Variants in PLA1A observed in about 807,000 individuals in gnomAD.
PLA1A encodes phosphatidylserine-specific phospholipase A1alpha.
PLA1A carries 47 observed loss-of-function variants against 49.4 expected under a neutral mutation model. The observed-to-expected ratio is 0.95, with a 90% CI of 0.75 to 1.21. PLA1A has a LOEUF of 1.21. Ranked by LOEUF, PLA1A falls within the 50% of genes most tolerant of loss-of-function variation. The pLI is 0.00. For missense variants in PLA1A, 561 were observed against 563.9 expected (o/e 0.99, Z 0.05); for synonymous variants, 224 against 207.9 (o/e 1.08, Z -0.67).
At chr3:119,617,462 G>A (rs1431961850) in intron 6 of PLA1A, among the ~76,000 whole-genome samples, 1 of 151,810 alleles carries the variant, frequency 6.6e-6, no homozygotes, top group Non-Finnish European at 1.5e-5. Context: ...CCATCTCAAG[G>A]CCAGGTACGG....
chr3:119,609,962 C>T (rs766889429), intron 4 of PLA1A, among the ~76,000 whole-genome samples: 4 of 152,102 alleles, frequency 2.6e-5, no homozygotes, highest in Non-Finnish European at 5.9e-5. Flanking sequence ...GTTTTGCAAC[C>T]CTTGTCCCTT....
intron 4 of PLA1A, 26 bp downstream of exon 4, chr3:119,609,602 CAGGCTTT>C (rs3832185): frequency 0.18 from 228,720 of 1,244,376 alleles, 25,006 homozygotes; most frequent in East Asian, 0.47. Flanking sequence ...GCCCATCCTC[CAGGCTTT>C]AGAGATAGAG....
At chr3:119,607,924 A>G (rs568387391) in intron 2 of PLA1A, among the ~76,000 whole-genome samples, 1 of 152,246 alleles carries the variant, frequency 6.6e-6, no homozygotes, top group South Asian at 2.1e-4. Flanking sequence ...TTGCTTCTAT[A>G]CTGGGAGTCA....
chr3:119,621,879 C>T (rs532321737), intron 8 of PLA1A, among the ~76,000 whole-genome samples: 2 of 152,208 alleles, frequency 1.3e-5, no homozygotes, highest in African/African-American at 4.8e-5. Context: ...TAATTCCCAC[C>T]CACCCAACAT....
Position 119,613,037 on chromosome 3 carries a change from G to A in PLA1A, c.583G>A (p.Glu195Lys), listed in dbSNP as rs754783654. The A allele has an allele frequency of 5.0e-6, 8 of 1,602,962 alleles. No homozygotes were observed. The highest frequency in any genetic ancestry group is 4.3e-6 in the Non-Finnish European group (5 of 1,174,094). The change falls in exon 5 of 11, where the codon GAG becomes AAG. Residue 195 changes from glutamate to lysine, a missense_variant. Transcript: ENST00000273371. The part of the protein sequence containing the change: ...QITGLDPAGP[E>K]YTRASVEERL... ...CACAGGCCTGGACCCCGCTGGACCT[G>A]AGTACACCAGGGCCAGTGTGGAAGA...
rs57980425 is a variant in PLA1A, at chr3:119,614,605, CAAAAAAA to C, written c.665-1389_665-1383del. Among the ~76,000 whole-genome samples, 31 of 68,000 alleles carry C rather than the reference CAAAAAAA, an allele frequency of 4.6e-4. 1 individual carries two copies. Among genetic ancestry groups the C allele is most frequent in the African/African-American group, 1.1e-3 (24 of 21,566 alleles). 44.6% of individuals were successfully genotyped at this position (68,000 alleles called of 152,430 possible). A position where few individuals can be genotyped will look rare whatever the true frequency, so the allele number is the denominator to read the frequency against. On this transcript the variant is annotated intron_variant, in intron 5 of 10. Transcript: ENST00000273371. ...TGGGTGACAGAGTGAGACTTCGTCT[CAAAAAAA>C]AAAAAAAAAAAAAAAAAGTGAATCC...
chr3:119,628,008 G>C (rs1282296886), intron 9 of PLA1A, among the ~76,000 whole-genome samples: 3 of 103,348 alleles, frequency 2.9e-5, no homozygotes. Flanking sequence ...AAGGGAATCT[G>C]GGGGGGCAAA....
At position 119,628,827 on chromosome 3, in the gene PLA1A, T is replaced by C; in HGVS notation, c.1248T>C (p.Ile416=). The change falls in exon 10 of 11, where the codon ATT becomes ATC. Residue 416 remains isoleucine, a synonymous_variant. Coordinates refer to ENST00000273371, the MANE Select transcript of PLA1A (RefSeq NM_015900.4). ...RVWKKDRTTI[I]GKFCTALLPV... ...GGAAAAAAGACCGGACTACCATTAT[T>C]GGGAAGTTCTGCACTGCCCTTTTGC... 4 of 1,614,140 alleles carry C rather than the reference T, an allele frequency of 2.5e-6. No individual in the cohort carries two copies. The highest frequency in any genetic ancestry group is 1.3e-5 in the African/African-American group (1 of 75,068).
At chr3:119,610,529 G>A (rs745758728) in intron 4 of PLA1A, among the ~76,000 whole-genome samples, 1 of 152,136 alleles carries the variant, frequency 6.6e-6, no homozygotes, top group Non-Finnish European at 1.5e-5. Context: ...ATTCTGAGTG[G>A]TGTGAGATGG....
intron 9 of PLA1A, among the ~76,000 whole-genome samples, chr3:119,626,457 G>T (rs2052540628): frequency 6.6e-6 from 1 of 152,220 alleles, no homozygotes; most frequent in Non-Finnish European, 1.5e-5. Flanking sequence ...GAGCTACCCA[G>T]GCCAGGCTTA....
At chr3:119,625,091 C>T (rs2052497674) in intron 8 of PLA1A, 33 bp from the exon 9 acceptor site, 1 of 1,423,624 alleles carries the variant, frequency 7.0e-7, no homozygotes, top group East Asian at 2.3e-5. Context: ...CTTCTGCCCT[C>T]TGGCCAGTCT....
At chr3:119,617,983 T>C in intron 6 of PLA1A, 36 bp from the exon 7 acceptor site, 1 of 1,541,950 alleles carries the variant, frequency 6.5e-7, no homozygotes, top group Non-Finnish European at 8.8e-7. Context: ...CCATTTGTCT[T>C]GACTGAAACC....
intron 8 of PLA1A, among the ~76,000 whole-genome samples, chr3:119,623,445 C>A (rs746099162): frequency 6.6e-6 from 1 of 152,164 alleles, no homozygotes; most frequent in African/African-American, 2.4e-5. Context: ...CTATGCCTGG[C>A]CTGTAATCTT....
intron 8 of PLA1A, chr3:119,620,323 C>T (rs2082912644): frequency 9.1e-6 from 3 of 329,078 alleles, no homozygotes; most frequent in Non-Finnish European, 6.0e-6. Context: ...AGTATGCCGG[C>T]TTGGATGATA....
intron 1 of PLA1A, chr3:119,600,391 T>G: frequency 4.3e-6 from 3 of 703,012 alleles, no homozygotes; most frequent in Non-Finnish European, 7.8e-6. Context: ...TGCACAAGTC[T>G]TCCTCCATCT....
At position 119,606,822 on chromosome 3, in the gene PLA1A, C is replaced by T; in HGVS notation, c.122C>T (p.Ala41Val). 4 of 1,614,178 alleles carry T rather than the reference C, an allele frequency of 2.5e-6. No homozygotes were observed. Among genetic ancestry groups the T allele is most frequent in the Non-Finnish European group, 2.5e-6 (3 of 1,180,042 alleles). The change falls in exon 2 of 11, where the codon GCC becomes GTC. Residue 41 changes from alanine to valine, a missense_variant. Coordinates refer to ENST00000273371, the MANE Select transcript of PLA1A (RefSeq NM_015900.4). ...CCAAAGTGCGCTGACTTCCAGAGCGCCAACCTTTTTGAAGGCACCGATCTC... is the reference window on the plus strand; with the variant it reads ...CCAAAGTGCGCTGACTTCCAGAGCGTCAACCTTTTTGAAGGCACCGATCTC... ...PQPKCADFQS[A>V]NLFEGTDLKV...
intron 1 of PLA1A, 67 bp from the exon 2 acceptor site, chr3:119,606,707 C>G: frequency 2.2e-6 from 3 of 1,342,498 alleles, no homozygotes; most frequent in Non-Finnish European, 3.2e-6. Flanking sequence ...CCAAGGTCAT[C>G]TTTCTTCCTT....
intron 8 of PLA1A, among the ~76,000 whole-genome samples, chr3:119,623,059 C>T (rs1018109927): frequency 6.6e-6 from 1 of 152,036 alleles, no homozygotes; most frequent in Non-Finnish European, 1.5e-5. Context: ...GAACTCCTGA[C>T]CTCAGATGAT....
At chr3:119,601,274 C>T (rs969928105) in intron 1 of PLA1A, among the ~76,000 whole-genome samples, 1 of 152,218 alleles carries the variant, frequency 6.6e-6, no homozygotes, top group African/African-American at 2.4e-5. Context: ...TGCAGAGTAG[C>T]ACATTTCCAG....
Sources: gnomAD v4.1 joint callset for allele counts (sites outside exome capture counted in the v4.1 genomes callset) on GRCh38, gnomAD v4.1.1 for gene constraint, MANE v1.5 for transcripts, NCBI Gene and HGNC (gene_info 2026-07-23, HGNC 2026-07-21) for gene names.